Variants in PPARGC1A observed in about 807,000 individuals in gnomAD.
PPARGC1A encodes peroxisome proliferator-activated receptor gamma coactivator 1-alpha.
PPARGC1A carries 25 observed loss-of-function variants against 88.7 expected under a neutral mutation model. The ratio of observed to expected loss-of-function variants is 0.28; its 90% CI spans 0.21 to 0.39. PPARGC1A has a LOEUF of 0.39. Ranked by LOEUF, PPARGC1A falls within the 10% of genes least tolerant of loss-of-function variation. The pLI, the probability that PPARGC1A is intolerant of heterozygous loss-of-function variation, is 1.00. For missense variants in PPARGC1A, 880 were observed against 968.7 expected (o/e 0.91, Z 1.22); for synonymous variants, 363 against 355.6 (o/e 1.02, Z -0.24).
At chr4:24,111,702 A>G in the PPARGC1A span, among the ~76,000 whole-genome samples, 1 of 152,212 alleles carries the variant, frequency 6.6e-6, no homozygotes, top group Non-Finnish European at 1.5e-5. Flanking sequence ...GCACTGCCCT[A>G]AAGAAGCTAA....
At chr4:24,334,682 T>A in the PPARGC1A span, among the ~76,000 whole-genome samples, 1 of 152,222 alleles carries the variant, frequency 6.6e-6, no homozygotes, top group African/African-American at 2.4e-5. Context: ...ACTTCCCTTA[T>A]GTGCTATAAG....
chr4:24,449,854 G>C, the PPARGC1A span, among the ~76,000 whole-genome samples: 5 of 152,246 alleles, frequency 3.3e-5, no homozygotes, highest in African/African-American at 1.2e-4. Flanking sequence ...TGTATTTTCT[G>C]AAGAATCATG....
At chr4:23,985,331 C>T in the PPARGC1A span, among the ~76,000 whole-genome samples, 10 of 152,038 alleles carry the variant, frequency 6.6e-5, no homozygotes, top group Non-Finnish European at 4.4e-5. Context: ...GAGAAGGGCT[C>T]ATCTAACAGG....
the PPARGC1A span, among the ~76,000 whole-genome samples, chr4:24,208,682 A>ATATAT: frequency 7.4e-5 from 10 of 135,000 alleles, no homozygotes; most frequent in South Asian, 2.4e-4. Context: ...TCAGAAAAAA[A>ATATAT]ATATATATAT....
chr4:24,270,672 T>C, the PPARGC1A span, among the ~76,000 whole-genome samples: 1 of 152,314 alleles, frequency 6.6e-6, no homozygotes, highest in South Asian at 2.1e-4. Flanking sequence ...ATTACAAATT[T>C]AATGTGCAAA....
chr4:24,149,469 GA>G, the PPARGC1A span, among the ~76,000 whole-genome samples: 1 of 152,036 alleles, frequency 6.6e-6, no homozygotes, highest in African/African-American at 2.4e-5. Context: ...AAATTAGGCT[GA>G]GGTTAAAGCA....
the PPARGC1A span, among the ~76,000 whole-genome samples, chr4:24,396,251 G>A: frequency 4.6e-5 from 7 of 152,160 alleles, no homozygotes; most frequent in African/African-American, 1.2e-4. Flanking sequence ...AGTGCAGGAC[G>A]ATGGGGGCGG....
the PPARGC1A span, among the ~76,000 whole-genome samples, chr4:24,006,199 C>A: frequency 2.6e-5 from 4 of 152,122 alleles, no homozygotes; most frequent in Admixed American, 6.6e-5. Flanking sequence ...TAGGTGTGCA[C>A]CACCATGCCT....
the PPARGC1A span, among the ~76,000 whole-genome samples, chr4:23,911,654 G>C: frequency 1.3e-5 from 2 of 152,080 alleles, no homozygotes; most frequent in Non-Finnish European, 1.5e-5. Flanking sequence ...TTTCCAATTG[G>C]ACAAGAAATT....
chr4:23,993,755 A>G, the PPARGC1A span, among the ~76,000 whole-genome samples: 1 of 152,190 alleles, frequency 6.6e-6, no homozygotes, highest in South Asian at 2.1e-4. Context: ...ATTACTTACC[A>G]ATGAAATCAC....
chr4:23,937,718 A>G, the PPARGC1A span, among the ~76,000 whole-genome samples: 1 of 152,092 alleles, frequency 6.6e-6, no homozygotes, highest in South Asian at 2.1e-4. Context: ...CCCACTATAC[A>G]TACTATAAGT....
At chr4:24,329,590 T>C in the PPARGC1A span, among the ~76,000 whole-genome samples, 3 of 152,164 alleles carry the variant, frequency 2.0e-5, no homozygotes, top group African/African-American at 4.8e-5. Context: ...TGTTCCAGGT[T>C]GAATGTCATC....
rs1715445485 is a variant in PPARGC1A, at chr4:23,879,330, G to GA, written c.234+5421dup. Among the ~76,000 whole-genome samples the GA allele has an allele frequency of 2.0e-5, 3 of 152,084 alleles. No individual in the cohort carries two copies. In the South Asian group the frequency reaches 6.2e-4, roughly 31 times the overall value. ...CAGGATTTCCTCCAAGGAGACAAGT[G>GA]AAAAAAAGCAGACACCACGTAAATT... On this transcript the variant is annotated intron_variant, in intron 2 of 12. Coordinates refer to ENST00000264867, the MANE Select transcript of PPARGC1A (RefSeq NM_013261.5).
the PPARGC1A span, among the ~76,000 whole-genome samples, chr4:24,392,842 G>T: frequency 6.6e-6 from 1 of 152,054 alleles, no homozygotes; most frequent in African/African-American, 2.4e-5. Flanking sequence ...CTCTGAAAAG[G>T]ATAACAGGAC....
chr4:24,200,671 A>AAAAAAAAAAAAAATT, the PPARGC1A span, among the ~76,000 whole-genome samples: 1 of 146,532 alleles, frequency 6.8e-6, no homozygotes, highest in Non-Finnish European at 1.5e-5. Context: ...AAAAAAAAAA[A>AAAAAAAAAAAAAATT]CTCCAGTAGA....
the PPARGC1A span, among the ~76,000 whole-genome samples, chr4:24,161,261 G>C: frequency 6.6e-6 from 1 of 152,184 alleles, no homozygotes; most frequent in East Asian, 1.9e-4. Context: ...CTCAAATCTA[G>C]CTATGTACTC....
chr4:24,388,388 G>C, the PPARGC1A span, among the ~76,000 whole-genome samples: 2 of 152,148 alleles, frequency 1.3e-5, no homozygotes, highest in Non-Finnish European at 2.9e-5. Context: ...TAAATTAGTT[G>C]AACCATTGTG....
At chr4:24,230,572 A>G in the PPARGC1A span, among the ~76,000 whole-genome samples, 4 of 152,154 alleles carry the variant, frequency 2.6e-5, no homozygotes, top group Non-Finnish European at 5.9e-5. Context: ...TAGCACCTTC[A>G]TTTGTCCTGG....
the PPARGC1A span, among the ~76,000 whole-genome samples, chr4:24,169,206 T>C: frequency 1.3e-5 from 2 of 152,136 alleles, no homozygotes; most frequent in African/African-American, 2.4e-5. Flanking sequence ...AAGGACATTC[T>C]ACAAAATTCC....
Sources: gnomAD v4.1 joint callset for allele counts (sites outside exome capture counted in the v4.1 genomes callset) on GRCh38, gnomAD v4.1.1 for gene constraint, MANE v1.5 for transcripts, NCBI Gene and HGNC (gene_info 2026-07-23, HGNC 2026-07-21) for gene names.